Variants in CSMD2 observed in about 807,000 individuals in gnomAD.
CSMD2 encodes the protein CUB and sushi domain-containing protein 2.
Under a neutral mutation model 398.5 loss-of-function variants are expected in CSMD2, and 130 were observed. The ratio of observed to expected loss-of-function variants is 0.33; its 90% CI spans 0.28 to 0.38. The LOEUF is 0.38. CSMD2 is among the 10% of genes least tolerant of loss of function. The pLI, the probability that CSMD2 is intolerant of heterozygous loss-of-function variation, is 1.00. For synonymous variants in CSMD2, 1,828 were observed against 1,908.5 expected (o/e 0.96, Z 1.10); for missense variants, 3,829 against 4,764.9 (o/e 0.80, Z 5.78).
chr1:33,672,408 C>G (rs1342664439), intron 25 of CSMD2, among the ~76,000 whole-genome samples: 2 of 152,238 alleles, frequency 1.3e-5, no homozygotes, highest in African/African-American at 4.8e-5. Flanking sequence ...GGCAGCAAGG[C>G]TGGGGGAGGG....
rs1642790409 is a variant in CSMD2 at position 33,636,204 on chromosome 1, C to A, written c.4969+156G>T. On this transcript the variant is annotated intron_variant, in intron 30 of 70. Transcript: ENST00000373381. The surrounding 1 kb of genome is among the most constrained non-coding windows in gnomAD (Gnocchi z 4.8). The stretch of plus-strand genomic sequence containing the variant: ...ACTGCACACCTAGTGAATTATAAGC[C>A]ACTTCTATACACATCCACGGCAAAC... Among the ~76,000 whole-genome samples, 1 of 152,108 alleles carries A rather than the reference C, an allele frequency of 6.6e-6. No individual in the cohort carries two copies. The highest frequency in any genetic ancestry group is 2.4e-5 in the African/African-American group (1 of 41,408).
At chr1:33,814,296 G>A (rs1381817156) in intron 9 of CSMD2, 1 of 152,030 alleles carries the variant, frequency 6.6e-6, no homozygotes, top group Non-Finnish European at 1.5e-5. Flanking sequence ...GAGCTTTGCT[G>A]TGAAAAAAAT....
At chr1:33,798,959 T>C (rs150291397) in intron 10 of CSMD2, among the ~76,000 whole-genome samples, 1 of 152,010 alleles carries the variant, frequency 6.6e-6, no homozygotes, top group African/African-American at 2.4e-5. Flanking sequence ...GAAGCTAGAG[T>C]CCCGGGAGAT....
chr1:33,987,590 T>C (rs1334483391), intron 3 of CSMD2, among the ~76,000 whole-genome samples: 1 of 152,196 alleles, frequency 6.6e-6, no homozygotes, highest in African/African-American at 2.4e-5. Flanking sequence ...CTCTTCCATC[T>C]CTGCTGTCAA....
intron 15 of CSMD2, among the ~76,000 whole-genome samples, chr1:33,728,332 TC>T (rs1646607934): frequency 1.7e-5 from 2 of 118,620 alleles, no homozygotes; most frequent in African/African-American, 9.3e-5. Flanking sequence ...TACCCAATCC[TC>T]TTTTTTTTTT....
At chr1:33,981,422 C>T (rs1339013147) in intron 3 of CSMD2, among the ~76,000 whole-genome samples, 2 of 152,186 alleles carry the variant, frequency 1.3e-5, no homozygotes, top group Non-Finnish European at 2.9e-5. Context: ...TCAGGTAAGG[C>T]TTGCTCAAGA....
chr1:33,852,713 T>C (rs1281376244), intron 5 of CSMD2, among the ~76,000 whole-genome samples: 1 of 152,258 alleles, frequency 6.6e-6, no homozygotes, highest in Non-Finnish European at 1.5e-5. Flanking sequence ...GAATAAAATC[T>C]TCTTTTTGTC....
intron 3 of CSMD2, among the ~76,000 whole-genome samples, chr1:33,956,964 C>T (rs554198451): frequency 1.3e-5 from 2 of 152,148 alleles, no homozygotes; most frequent in East Asian, 3.9e-4. Context: ...TTGATTCCTT[C>T]CTCACCATGC....
At position 33,810,722 on chromosome 1, in the gene CSMD2, C is replaced by G. The variant is rs1461924391; in HGVS notation, c.1446+21G>C. 3 of 1,611,316 alleles carry G rather than the reference C, an allele frequency of 1.9e-6. No individual in the cohort carries two copies. The Admixed American group carries it at 5.0e-5, about 27-fold the overall frequency. On this transcript the variant is annotated intron_variant, in intron 10 of 70. Coordinates refer to ENST00000373381, the MANE Select transcript of CSMD2 (RefSeq NM_001281956.2). ...CCTAGCCCTGCCCACAGAACACCAC[C>G]CCGCTCCCCAAGAGGCTTACCTTGG...
intron 1 of CSMD2, among the ~76,000 whole-genome samples, chr1:34,099,798 A>G (rs1659770378): frequency 6.6e-6 from 1 of 152,226 alleles, no homozygotes; most frequent in Non-Finnish European, 1.5e-5. Flanking sequence ...CAATGCTGAG[A>G]GCTGGAGCCT....
At chr1:33,701,509 G>C (rs72662071) in intron 22 of CSMD2, among the ~76,000 whole-genome samples, 13,130 of 152,282 alleles carry the variant, frequency 0.086, 589 homozygotes, top group South Asian at 0.14. Flanking sequence ...TCAAAGATGG[G>C]ATCTCTGAGT....
chr1:33,699,110 G>C (rs1645521640), intron 23 of CSMD2, among the ~76,000 whole-genome samples, 166 bp from the exon 24 acceptor site: 1 of 151,998 alleles, frequency 6.6e-6, no homozygotes. Context: ...CTCAGTTGAG[G>C]GTATATTAAG....
chr1:33,827,153 A>G (rs111851627), intron 6 of CSMD2, among the ~76,000 whole-genome samples: 2 of 152,124 alleles, frequency 1.3e-5, no homozygotes, highest in African/African-American at 4.8e-5. Context: ...CCTTGTCCCT[A>G]TATAGTCTGT....
At chr1:33,951,236 T>A (rs1644999172) in intron 3 of CSMD2, among the ~76,000 whole-genome samples, 1 of 152,236 alleles carries the variant, frequency 6.6e-6, no homozygotes, top group African/African-American at 2.4e-5. Flanking sequence ...TTTGTCTAAA[T>A]GTTAGGGACA....
intron 1 of CSMD2, among the ~76,000 whole-genome samples, chr1:34,092,527 G>C (rs1658701520): frequency 6.6e-6 from 1 of 152,324 alleles, no homozygotes; most frequent in African/African-American, 2.4e-5. Flanking sequence ...GAGCCAGACA[G>C]TGGGCGCAGG....
intron 19 of CSMD2, 138 bp downstream of exon 19, chr1:33,724,059 T>C (rs746975637): frequency 1.4e-4 from 97 of 669,978 alleles, no homozygotes; most frequent in Admixed American, 7.9e-4. Flanking sequence ...CTGGAAGTTT[T>C]CTTGTTGGTG....
chr1:33,618,660 A>G (rs1437036311), intron 37 of CSMD2, among the ~76,000 whole-genome samples: 2 of 151,934 alleles, frequency 1.3e-5, no homozygotes, highest in African/African-American at 2.4e-5. Context: ...CTGCCAGTCC[A>G]TACCATCTTC....
At chr1:34,092,865 A>C (rs1658796406) in intron 1 of CSMD2, among the ~76,000 whole-genome samples, 1 of 152,284 alleles carries the variant, frequency 6.6e-6, no homozygotes, top group South Asian at 2.1e-4. Flanking sequence ...TTGCTTAGGT[A>C]AACAAAGCAG....
chr1:33,752,539 A>G (rs1231128967), intron 13 of CSMD2, among the ~76,000 whole-genome samples: 1 of 152,208 alleles, frequency 6.6e-6, no homozygotes, highest in Non-Finnish European at 1.5e-5. Flanking sequence ...TTTTCTTTAT[A>G]AATTACCCAG....
Sources: allele counts gnomAD v4.1 joint callset (sites outside exome capture counted in the v4.1 genomes callset), GRCh38; gene constraint gnomAD v4.1.1; non-coding constraint Gnocchi (gnomAD v3.1); transcripts MANE v1.5; gene names NCBI Gene and HGNC (gene_info 2026-07-23, HGNC 2026-07-21).